Variants in RALGPS1 observed in about 807,000 individuals in gnomAD.
RALGPS1 encodes the protein Ral GEF with PH domain and SH3 binding motif 1.
In RALGPS1, 19 loss-of-function variants were observed where a neutral mutation model predicts 78.8. The observed-to-expected ratio is 0.24, with a 90% CI of 0.17 to 0.35. The LOEUF (loss-of-function observed/expected upper bound fraction) is 0.35. Ranked by LOEUF, RALGPS1 falls within the 10% of genes least tolerant of loss-of-function variation. The pLI, the probability that RALGPS1 is intolerant of heterozygous loss-of-function variation, is 1.00. For missense variants in RALGPS1, 454 were observed against 688.3 expected (o/e 0.66, Z 3.81); for synonymous variants, 228 against 256.3 (o/e 0.89, Z 1.06).
intron 1 of RALGPS1, among the ~76,000 whole-genome samples, chr9:126,941,981 C>T (rs1365788545): frequency 6.6e-6 from 1 of 152,180 alleles, no homozygotes; most frequent in Non-Finnish European, 1.5e-5. Context: ...AAAAATAGCT[C>T]ATATTAATCC....
intron 4 of RALGPS1, among the ~76,000 whole-genome samples, chr9:127,031,400 T>A (rs745768534): frequency 6.6e-6 from 1 of 152,366 alleles, no homozygotes; most frequent in South Asian, 2.1e-4. Context: ...TGGTCATACT[T>A]CTTCTGACCT....
At chr9:126,944,244 G>A (rs1455537251) in intron 1 of RALGPS1, among the ~76,000 whole-genome samples, 1 of 152,242 alleles carries the variant, frequency 6.6e-6, no homozygotes, top group Non-Finnish European at 1.5e-5. Flanking sequence ...CAGCAGTGGA[G>A]AGAAGAGAAG....
At chr9:126,985,780 G>T (rs60326488) in intron 4 of RALGPS1, among the ~76,000 whole-genome samples, 2,819 of 152,248 alleles carry the variant, frequency 0.019, 97 homozygotes, top group African/African-American at 0.064. Flanking sequence ...AGAAAAGGAG[G>T]GTTATGCTAA....
intron 7 of RALGPS1, among the ~76,000 whole-genome samples, chr9:127,063,252 CATACAAGGTACTCAGAGCATGATGGGAA>C (rs2049375654): frequency 6.6e-6 from 1 of 152,170 alleles, no homozygotes. Flanking sequence ...ACAAGTGCCA[CATACAAGGTACTCAGAGCATGATGGGAA>C]ATTTCCAAAA....
At chr9:127,195,867 A>C (rs1409773389) in intron 12 of RALGPS1, among the ~76,000 whole-genome samples, 1 of 140,446 alleles carries the variant, frequency 7.1e-6, no homozygotes, top group Non-Finnish European at 1.5e-5. Context: ...CTTCCAAGGC[A>C]CAAGCTCAGC....
chr9:126,931,140 A>G (rs1262884266), intron 1 of RALGPS1, among the ~76,000 whole-genome samples: 2 of 152,200 alleles, frequency 1.3e-5, no homozygotes, highest in Admixed American at 6.5e-5. Context: ...GCCTTTCCAT[A>G]TGCATTCCAG....
chr9:126,995,603 T>C (rs1163699734), intron 4 of RALGPS1, among the ~76,000 whole-genome samples: 27 of 152,192 alleles, frequency 1.8e-4, no homozygotes, highest in Non-Finnish European at 3.5e-4. Flanking sequence ...CACCCCACTG[T>C]CAACATTAGA....
intron 8 of RALGPS1, among the ~76,000 whole-genome samples, chr9:127,085,305 A>G (rs924862369): frequency 6.6e-6 from 1 of 152,148 alleles, no homozygotes; most frequent in Non-Finnish European, 1.5e-5. Context: ...ATGCAGTGCA[A>G]CCACCATGGC....
intron 8 of RALGPS1, among the ~76,000 whole-genome samples, chr9:127,095,533 C>T (rs2053028244): frequency 6.6e-6 from 1 of 152,268 alleles, no homozygotes; most frequent in Non-Finnish European, 1.5e-5. Flanking sequence ...CCAGCCTCTG[C>T]AGATGCGGTG....
intron 11 of RALGPS1, among the ~76,000 whole-genome samples, chr9:127,192,227 G>T (rs1364188374): frequency 6.6e-6 from 1 of 152,256 alleles, no homozygotes; most frequent in African/African-American, 2.4e-5. Flanking sequence ...GAGGGGCTGT[G>T]CAGAGTCTGG....
chr9:127,206,626 G>A (rs2061946521), intron 14 of RALGPS1, among the ~76,000 whole-genome samples: 1 of 152,088 alleles, frequency 6.6e-6, no homozygotes, highest in Non-Finnish European at 1.5e-5. Context: ...TGAGATTTGG[G>A]TGGGGACACA....
At chr9:126,958,158 TACACACACACACAC>T (rs60776038) in intron 1 of RALGPS1, among the ~76,000 whole-genome samples, 2 of 121,062 alleles carry the variant, frequency 1.7e-5, no homozygotes, top group African/African-American at 2.7e-5. Context: ...TATATATATA[TACACACACACACAC>T]ACATATATGT....
intron 6 of RALGPS1, among the ~76,000 whole-genome samples, chr9:127,052,573 A>G (rs890339762): frequency 9.9e-5 from 15 of 152,230 alleles, no homozygotes; most frequent in African/African-American, 3.4e-4. Flanking sequence ...AGATTTGTCT[A>G]AAGAAAGAAC....
intron 14 of RALGPS1, among the ~76,000 whole-genome samples, chr9:127,201,254 C>T (rs1441408161): frequency 6.6e-6 from 1 of 152,246 alleles, no homozygotes; most frequent in Admixed American, 6.5e-5. Flanking sequence ...ATGCCCGGCT[C>T]TGCCTCCAGC....
intron 8 of RALGPS1, among the ~76,000 whole-genome samples, chr9:127,114,254 C>G (rs1014558344): frequency 3.3e-5 from 5 of 152,126 alleles, no homozygotes; most frequent in Non-Finnish European, 7.3e-5. Flanking sequence ...TTCTGATGCC[C>G]ACAAAGATAC....
intron 8 of RALGPS1, among the ~76,000 whole-genome samples, chr9:127,083,847 A>G (rs2051412458): frequency 2.6e-5 from 4 of 151,838 alleles, no homozygotes; most frequent in African/African-American, 9.7e-5. Flanking sequence ...GCAAGTCTGG[A>G]CTCCTAAAGC....
chr9:126,999,088 A>G (rs1262066095), intron 4 of RALGPS1, among the ~76,000 whole-genome samples: 2 of 151,366 alleles, frequency 1.3e-5, no homozygotes, highest in Admixed American at 6.6e-5. Flanking sequence ...TAATGGGTGC[A>G]GCACACCAAC....
intron 14 of RALGPS1, among the ~76,000 whole-genome samples, chr9:127,206,797 G>C (rs912922907): frequency 6.6e-6 from 1 of 152,112 alleles, no homozygotes; most frequent in African/African-American, 2.4e-5. Flanking sequence ...ACAACCTAAT[G>C]TGTACCTAGA....
intron 8 of RALGPS1, among the ~76,000 whole-genome samples, chr9:127,118,226 A>G (rs1397287040): frequency 6.6e-6 from 1 of 152,110 alleles, no homozygotes; most frequent in Non-Finnish European, 1.5e-5. Context: ...TGATGTGTAC[A>G]TGTGACAGGC....
Sources: allele counts gnomAD v4.1 joint callset (sites outside exome capture counted in the v4.1 genomes callset), GRCh38; gene constraint gnomAD v4.1.1; transcripts MANE v1.5; gene names NCBI Gene and HGNC (gene_info 2026-07-23, HGNC 2026-07-21).